Variants in GALNT13 observed in about 807,000 individuals in gnomAD.
The protein encoded by GALNT13 is polypeptide N-acetylgalactosaminyltransferase 13.
In GALNT13, 28 loss-of-function variants were observed where a neutral mutation model predicts 64.2. The observed-to-expected ratio is 0.44, with a 90% confidence interval of 0.32 to 0.60. The LOEUF (loss-of-function observed/expected upper bound fraction) is 0.60, where lower values mean the gene tolerates loss of function less well. Among genes scored for constraint, GALNT13 ranks in the 20% least tolerant of loss-of-function variants. The probability of loss-of-function intolerance (pLI) is 0.05; values close to 1 mark genes in which losing one functional copy is unlikely to be tolerated. For missense variants in GALNT13, 577 were observed against 669.8 expected (o/e 0.86, Z 1.53); for synonymous variants, 214 against 224.6 (o/e 0.95, Z 0.42).
At chr2:153,648,950 G>C in the GALNT13 span, among the ~76,000 whole-genome samples, 1 of 152,078 alleles carries the variant, frequency 6.6e-6, no homozygotes. Flanking sequence ...TCTCTGCCAG[G>C]CTTTGGTATC....
chr2:153,581,986 T>C, the GALNT13 span, among the ~76,000 whole-genome samples: 1 of 152,156 alleles, frequency 6.6e-6, no homozygotes, highest in Non-Finnish European at 1.5e-5. Flanking sequence ...TGTAACCTTA[T>C]ACCTTCTTTT....
the GALNT13 span, among the ~76,000 whole-genome samples, chr2:153,407,289 A>G: frequency 2.0e-5 from 3 of 152,354 alleles, no homozygotes; most frequent in Admixed American, 2.0e-4. Context: ...CTTAAGTCTA[A>G]TAACTATTGC....
chr2:153,390,685 A>G, the GALNT13 span, among the ~76,000 whole-genome samples: 4 of 152,030 alleles, frequency 2.6e-5, no homozygotes, highest in South Asian at 2.1e-4. Context: ...ATTTCTCCCA[A>G]TGACTCCCTG....
chr2:153,887,945 G>T (rs1167568048), intron 1 of GALNT13, among the ~76,000 whole-genome samples: 2 of 151,744 alleles, frequency 1.3e-5, no homozygotes, highest in Non-Finnish European at 2.9e-5. Flanking sequence ...TTTTATTTTC[G>T]GTATGTGATA....
At chr2:153,926,597 A>G (rs891427630) in intron 2 of GALNT13, among the ~76,000 whole-genome samples, 66 of 152,104 alleles carry the variant, frequency 4.3e-4, no homozygotes, top group African/African-American at 1.5e-3. Flanking sequence ...GAATTTTGGA[A>G]ACAGATTACT....
the GALNT13 span, among the ~76,000 whole-genome samples, chr2:153,843,503 G>C: frequency 1.1e-4 from 16 of 152,284 alleles, no homozygotes; most frequent in African/African-American, 3.6e-4. Context: ...GATTTAGACA[G>C]AGACTACTAT....
chr2:154,341,147 T>G (rs1395959788), intron 9 of GALNT13, among the ~76,000 whole-genome samples: 1 of 152,072 alleles, frequency 6.6e-6, no homozygotes, highest in Non-Finnish European at 1.5e-5. Context: ...CTTTTTTTCC[T>G]TTCTAATAAA....
the GALNT13 span, among the ~76,000 whole-genome samples, chr2:153,476,098 C>G: frequency 1.3e-5 from 2 of 152,178 alleles, no homozygotes; most frequent in South Asian, 4.1e-4. Flanking sequence ...ACAGGAACAA[C>G]AAGCAAAACT....
chr2:153,241,904 G>A, the GALNT13 span, among the ~76,000 whole-genome samples: 1 of 151,998 alleles, frequency 6.6e-6, no homozygotes, highest in East Asian at 1.9e-4. Flanking sequence ...CAGCATGACA[G>A]GCTGGTCAGT....
the GALNT13 span, among the ~76,000 whole-genome samples, chr2:153,357,050 C>G: frequency 6.6e-6 from 1 of 152,030 alleles, no homozygotes. Flanking sequence ...TCTCTCAATC[C>G]ACCTGCCTTG....
At chr2:154,178,089 A>G (rs1685754441) in intron 4 of GALNT13, among the ~76,000 whole-genome samples, 1 of 152,100 alleles carries the variant, frequency 6.6e-6, no homozygotes, top group African/African-American at 2.4e-5. Context: ...TTCTGTTACT[A>G]CTGTGCTTAC....
At chr2:153,567,516 A>G in the GALNT13 span, among the ~76,000 whole-genome samples, 1 of 152,206 alleles carries the variant, frequency 6.6e-6, no homozygotes, top group Non-Finnish European at 1.5e-5. Context: ...AGAAAATCTT[A>G]AAAGGAACAA....
chr2:153,293,950 G>A, the GALNT13 span, among the ~76,000 whole-genome samples: 125,701 of 152,024 alleles, frequency 0.83, 53,284 homozygotes, highest in African/African-American at 0.92. Context: ...CTGAGTAGCT[G>A]GGACTACAGG....
the GALNT13 span, among the ~76,000 whole-genome samples, chr2:153,092,116 A>G: frequency 3.9e-5 from 6 of 152,010 alleles, no homozygotes; most frequent in Non-Finnish European, 8.8e-5. Flanking sequence ...TTTGCAGTGT[A>G]TGTTTTTGGC....
chr2:154,005,190 A>G (rs1696162964), intron 3 of GALNT13, among the ~76,000 whole-genome samples: 1 of 152,180 alleles, frequency 6.6e-6, no homozygotes, highest in African/African-American at 2.4e-5. Context: ...ATGATTTAAA[A>G]TTATTGGTTG....
At chr2:153,301,723 C>T in the GALNT13 span, among the ~76,000 whole-genome samples, 1 of 152,070 alleles carries the variant, frequency 6.6e-6, no homozygotes, top group Admixed American at 6.5e-5. Flanking sequence ...TCTCTGCTTC[C>T]ACGAGTTCTA....
chr2:154,414,045 T>A (rs1397299374), intron 11 of GALNT13, among the ~76,000 whole-genome samples: 1 of 152,040 alleles, frequency 6.6e-6, no homozygotes, highest in Non-Finnish European at 1.5e-5. Flanking sequence ...CATACAATAT[T>A]TGTAAATGTT....
chr2:154,007,641 T>C (rs563636692), intron 3 of GALNT13, among the ~76,000 whole-genome samples: 1 of 152,078 alleles, frequency 6.6e-6, no homozygotes, highest in South Asian at 2.1e-4. Context: ...ATTGATATTA[T>C]AGTTACATTA....
At chr2:153,268,559 A>C in the GALNT13 span, among the ~76,000 whole-genome samples, 1 of 152,166 alleles carries the variant, frequency 6.6e-6, no homozygotes. Context: ...GTCTGGAGGA[A>C]AGTGGCCCTC....
Sources: allele counts gnomAD v4.1 joint callset (sites outside exome capture counted in the v4.1 genomes callset), GRCh38; gene constraint gnomAD v4.1.1; transcripts MANE v1.5; gene names NCBI Gene and HGNC (gene_info 2026-07-23, HGNC 2026-07-21).